Variants in KIAA0319 observed in about 807,000 individuals in gnomAD.
The protein encoded by KIAA0319 is KIAA0319, also known as dyslexia-associated protein KIAA0319.
Under a neutral mutation model 108.4 loss-of-function variants are expected in KIAA0319, and 83 were observed. The observed-to-expected ratio is 0.77, with a 90% CI of 0.64 to 0.92. The LOEUF is 0.92. Ranked by LOEUF, KIAA0319 falls within the 40% of genes least tolerant of loss-of-function variation. The pLI is 0.00. For missense variants in KIAA0319, 1,195 were observed against 1,322.4 expected, an observed-to-expected ratio of 0.90 and a Z score of 1.49; for synonymous variants, 484 against 510.4, an observed-to-expected ratio of 0.95 and a Z score of 0.70.
At chr6:24,634,166 G>A (rs1039496827) in intron 1 of KIAA0319, among the ~76,000 whole-genome samples, 1 of 152,188 alleles carries the variant, frequency 6.6e-6, no homozygotes, top group South Asian at 2.1e-4. Context: ...AGCGCTAAAT[G>A]TTAGGAATAC....
intron 17 of KIAA0319, among the ~76,000 whole-genome samples, chr6:24,557,159 C>T (rs780760835): frequency 4.6e-4 from 70 of 151,958 alleles, no homozygotes; most frequent in Non-Finnish European, 8.5e-4. Context: ...GAGCCGAGAT[C>T]GCGCCACTGC....
At position 24,572,450 on chromosome 6, in the gene KIAA0319, A is replaced by T. The variant is rs1764854390; in HGVS notation, c.1858+125T>A. 3.9e-6 allele frequency: 4 copies of T among 1,030,982 alleles called. No individual in the cohort carries two copies. The Admixed American group carries it at 8.2e-5, about 21-fold the overall frequency. The allele number at this position is 1,030,982 out of a possible 1,614,324, so 63.9% of individuals were successfully genotyped here. On this transcript the variant is annotated intron_variant, in intron 11 of 20. Coordinates refer to ENST00000378214, the MANE Select transcript of KIAA0319 (RefSeq NM_014809.4). Reference sequence around the variant, plus strand: ...AGATTTAGAACCTTGAAATGAAATTAGTTTTATATGGAGCTTTGGCACCCA... The same window carrying T: ...AGATTTAGAACCTTGAAATGAAATTTGTTTTATATGGAGCTTTGGCACCCA...
At chr6:24,557,572 A>C (rs911703225) in intron 17 of KIAA0319, among the ~76,000 whole-genome samples, 1 of 152,238 alleles carries the variant, frequency 6.6e-6, no homozygotes. Context: ...TCTGGAGTGC[A>C]ATGGCAATTA....
At chr6:24,565,752 C>CAAAAAAAAAA (rs71542686) in intron 14 of KIAA0319, among the ~76,000 whole-genome samples, 7 of 62,660 alleles carry the variant, frequency 1.1e-4, no homozygotes, top group African/African-American at 1.8e-4. Flanking sequence ...GACTCCATCT[C>CAAAAAAAAAA]AAAAAAAAAA....
At chr6:24,592,242 G>T (rs1768612368) in intron 3 of KIAA0319, among the ~76,000 whole-genome samples, 1 of 151,950 alleles carries the variant, frequency 6.6e-6, no homozygotes, top group South Asian at 2.1e-4. Flanking sequence ...TCATTCTTTT[G>T]CATGTAAATA....
chr6:24,622,786 G>A (rs536462331), intron 1 of KIAA0319, among the ~76,000 whole-genome samples: 1 of 152,162 alleles, frequency 6.6e-6, no homozygotes, highest in African/African-American at 2.4e-5. Context: ...GTTCACACCT[G>A]TAATTTTAGC....
chr6:24,608,695 C>T (rs1582204893), intron 1 of KIAA0319, among the ~76,000 whole-genome samples: 2 of 151,874 alleles, frequency 1.3e-5, no homozygotes, highest in African/African-American at 4.8e-5. Context: ...CTTTGGGAGG[C>T]CGAGGCGGGC....
Position 24,579,865 on chromosome 6 carries a change from A to G in KIAA0319, c.1365T>C (p.Asp455=), listed in dbSNP as rs1454660308. The G allele has an allele frequency of 2.5e-6, 4 of 1,601,296 alleles. No individual in the cohort carries two copies. The highest frequency in any genetic ancestry group is 3.4e-6 in the Non-Finnish European group (4 of 1,172,916). ...CTATCTCAGGATACACACGGCTGCC[A>G]TCAATGAGGGCTGACGTCAAAGGCA... ...LTLPLTSALI[D]GSQSTDDTEI... Residue 455 remains aspartate (D), a synonymous_variant, in exon 8 of 21, where the codon GAT becomes GAC. Transcript: ENST00000378214.
chr6:24,603,050 A>G (rs565551284), intron 1 of KIAA0319, among the ~76,000 whole-genome samples: 13 of 152,334 alleles, frequency 8.5e-5, no homozygotes, highest in African/African-American at 2.9e-4. Flanking sequence ...TTGTTTAAAC[A>G]TTCTAAGTGA....
intron 1 of KIAA0319, among the ~76,000 whole-genome samples, chr6:24,627,458 C>G (rs2127580068): frequency 1.4e-5 from 1 of 73,322 alleles, no homozygotes; most frequent in Non-Finnish European, 2.6e-5. Flanking sequence ...TCCCTCCCTT[C>G]CTTCTTTCCT....
chr6:24,608,655 G>C (rs1309043232), intron 1 of KIAA0319, among the ~76,000 whole-genome samples: 2 of 152,110 alleles, frequency 1.3e-5, no homozygotes, highest in African/African-American at 4.8e-5. Flanking sequence ...GTCAGGCCAG[G>C]CGCGGTGGCT....
intron 1 of KIAA0319, among the ~76,000 whole-genome samples, chr6:24,624,017 CTTTTTTTTTTTTTT>C (rs536970883): frequency 2.0e-5 from 1 of 50,540 alleles, no homozygotes; most frequent in Non-Finnish European, 3.6e-5. Context: ...TCTTTGTTTT[CTTTTTTTTTTTTTT>C]TTTTTTTTTT....
intron 16 of KIAA0319, among the ~76,000 whole-genome samples, chr6:24,560,585 C>T (rs1450701433): frequency 1.3e-5 from 2 of 152,226 alleles, no homozygotes; most frequent in South Asian, 2.1e-4. Flanking sequence ...ACAACAGAAA[C>T]CTCTTCTCAC....
At chr6:24,635,512 A>G (rs957211795) in intron 1 of KIAA0319, among the ~76,000 whole-genome samples, 2 of 152,192 alleles carry the variant, frequency 1.3e-5, no homozygotes, top group Admixed American at 6.5e-5. Context: ...GAATGCTTTA[A>G]AAGCAGAGTG....
intron 20 of KIAA0319, among the ~76,000 whole-genome samples, chr6:24,549,738 T>C (rs944025154): frequency 3.3e-5 from 5 of 152,160 alleles, no homozygotes; most frequent in Admixed American, 6.5e-5. Flanking sequence ...ATGTACCTAG[T>C]ACATATTCAA....
chr6:24,601,006 A>T, intron 2 of KIAA0319, 43 bp downstream of exon 2: 4 of 1,613,320 alleles, frequency 2.5e-6, no homozygotes, highest in Non-Finnish European at 3.4e-6. Context: ...TAGTCAAGAA[A>T]CTCAAGTCCA....
Position 24,597,184 on chromosome 6 carries a change from T to C in KIAA0319, c.56-566A>G, listed in dbSNP as rs147441132. 9.7e-4 allele frequency among the ~76,000 whole-genome samples: 148 copies of C among 152,378 alleles called. 1 individual carries two copies. Among genetic ancestry groups the C allele is most frequent in the African/African-American group, 3.3e-3 (139 of 41,582 alleles). On this transcript the variant is annotated intron_variant, in intron 2 of 20. Transcript: ENST00000378214. ...TACATTGTATTTATACTATTTATAA[T>C]ACTTTGTTCCTCACATAAAATTCAA...
chr6:24,584,906 A>G (rs1199938424), intron 4 of KIAA0319, among the ~76,000 whole-genome samples: 1 of 152,198 alleles, frequency 6.6e-6, no homozygotes, highest in East Asian at 1.9e-4. Context: ...ATCCTGGGCC[A>G]AACTCCCAGG....
At chr6:24,553,778 C>T (rs911292738) in intron 19 of KIAA0319, among the ~76,000 whole-genome samples, 3 of 152,174 alleles carry the variant, frequency 2.0e-5, no homozygotes, top group South Asian at 2.1e-4. Context: ...AGACCCAAGA[C>T]GACAGGGTTC....
Sources: allele counts gnomAD v4.1 joint callset (sites outside exome capture counted in the v4.1 genomes callset), GRCh38; gene constraint gnomAD v4.1.1; transcripts MANE v1.5; gene names NCBI Gene and HGNC (gene_info 2026-07-23, HGNC 2026-07-21).